ZNF385D: variants seen among roughly 807,000 people sequenced by gnomAD.
ZNF385D encodes zinc finger protein 659.
ZNF385D carries 15 observed loss-of-function variants against 35.8 expected under a neutral mutation model. The observed-to-expected ratio is 0.42, with a 90% confidence interval of 0.28 to 0.64. ZNF385D has a LOEUF of 0.64. Ranked by LOEUF, ZNF385D falls within the 30% of genes least tolerant of loss-of-function variation. The pLI, the probability that ZNF385D is intolerant of heterozygous loss-of-function variation, is 0.23. For synonymous variants in ZNF385D, 212 were observed against 186.8 expected (o/e 1.13, Z -1.10); for missense variants, 474 against 494.6 (o/e 0.96, Z 0.39).
At chr3:21,964,671 T>C (rs1702803549) in intron 3 of ZNF385D, among the ~76,000 whole-genome samples, 2 of 151,626 alleles carry the variant, frequency 1.3e-5, no homozygotes, top group South Asian at 4.2e-4. Flanking sequence ...TTTGTATTTT[T>C]AGTAGAGATG....
chr3:22,109,267 CT>C (rs1702386290), intron 3 of ZNF385D, among the ~76,000 whole-genome samples: 1 of 152,086 alleles, frequency 6.6e-6, no homozygotes, highest in Admixed American at 6.6e-5. Context: ...CACTTATCAA[CT>C]CAATAATAAT....
intron 3 of ZNF385D, among the ~76,000 whole-genome samples, chr3:21,969,152 T>G (rs1360820074): frequency 1.3e-5 from 2 of 152,118 alleles, no homozygotes; most frequent in African/African-American, 4.8e-5. Context: ...GAGGAAAGAA[T>G]GGTAAGAACT....
intron 3 of ZNF385D, among the ~76,000 whole-genome samples, chr3:21,547,470 C>A (rs187925997): frequency 6.6e-6 from 1 of 151,960 alleles, no homozygotes; most frequent in Non-Finnish European, 1.5e-5. Flanking sequence ...GAGCGTCTGA[C>A]GATAGCCCCT....
chr3:22,050,363 A>AAAC (rs1559334228), intron 3 of ZNF385D, among the ~76,000 whole-genome samples: 5 of 151,960 alleles, frequency 3.3e-5, no homozygotes, highest in South Asian at 2.1e-4. Context: ...CTCTGTCAAA[A>AAAC]AAACAAACAA....
intron 3 of ZNF385D, among the ~76,000 whole-genome samples, chr3:22,031,983 C>T (rs1449417284): frequency 6.6e-6 from 1 of 152,166 alleles, no homozygotes; most frequent in Non-Finnish European, 1.5e-5. Context: ...TTCAAAGTTC[C>T]ACAGATCTCT....
At chr3:21,798,114 T>G (rs2072235742) in intron 3 of ZNF385D, among the ~76,000 whole-genome samples, 1 of 152,214 alleles carries the variant, frequency 6.6e-6, no homozygotes, top group African/African-American at 2.4e-5. Context: ...TGGGGAAGAC[T>G]ATGCGTTAGT....
At position 21,963,211 on chromosome 3, in the gene ZNF385D, G is replaced by A. The variant is rs1229090929; in HGVS notation, c.325+205606C>T. On this transcript the variant is annotated intron_variant, in intron 3 of 5. Coordinates refer to the ZNF385D transcript ENST00000494108. ...TTCCACTTATAACTCTGTGGCAGCA[G>A]TCATGTGGGAGAAGTTTATCACCTG... Among the ~76,000 whole-genome samples the A allele has an allele frequency of 2.0e-5, 3 of 152,168 alleles. No individual in the cohort carries two copies. In the East Asian group the frequency reaches 5.8e-4, roughly 29 times the overall value.
intron 3 of ZNF385D, among the ~76,000 whole-genome samples, chr3:21,999,791 T>C (rs796495542): frequency 4.0e-4 from 59 of 148,816 alleles, no homozygotes; most frequent in African/African-American, 1.4e-3. Flanking sequence ...AAAATAATAA[T>C]AATGAAAAAC....
intron 2 of ZNF385D, among the ~76,000 whole-genome samples, chr3:21,605,691 T>C (rs911993452): frequency 2.6e-5 from 4 of 152,190 alleles, no homozygotes; most frequent in South Asian, 2.1e-4. Context: ...GAGATGACAA[T>C]AGCAACCAAC....
intron 3 of ZNF385D, among the ~76,000 whole-genome samples, chr3:22,162,551 T>A (rs996690977): frequency 3.3e-5 from 5 of 152,150 alleles, no homozygotes; most frequent in African/African-American, 1.2e-4. Flanking sequence ...TTGAGAGATT[T>A]TTTATAGGCA....
At chr3:22,327,788 T>C (rs1694747463) in intron 2 of ZNF385D, among the ~76,000 whole-genome samples, 1 of 152,202 alleles carries the variant, frequency 6.6e-6, no homozygotes, top group African/African-American at 2.4e-5. Flanking sequence ...ATAGATGTGA[T>C]TTATCGACTT....
chr3:21,570,815 A>C (rs2125674537), intron 2 of ZNF385D, among the ~76,000 whole-genome samples: 1 of 152,300 alleles, frequency 6.6e-6, no homozygotes, highest in Admixed American at 6.5e-5. Flanking sequence ...CATCATATTC[A>C]ACTATGAACA....
chr3:21,584,222 G>A (rs201588261), intron 2 of ZNF385D, among the ~76,000 whole-genome samples: 5 of 151,898 alleles, frequency 3.3e-5, no homozygotes, highest in Non-Finnish European at 5.9e-5. Context: ...CAAGTGATCC[G>A]CCCACCTTGG....
At chr3:22,057,826 A>G (rs1699485751) in intron 3 of ZNF385D, among the ~76,000 whole-genome samples, 1 of 152,094 alleles carries the variant, frequency 6.6e-6, no homozygotes, top group South Asian at 2.1e-4. Flanking sequence ...ACGTTTTTAA[A>G]ACCCAATTTA....
At chr3:21,483,603 T>G (rs1704805238) in intron 4 of ZNF385D, among the ~76,000 whole-genome samples, 1 of 152,190 alleles carries the variant, frequency 6.6e-6, no homozygotes, top group South Asian at 2.1e-4. Flanking sequence ...GTTATTTATT[T>G]TACACATTCT....
intron 2 of ZNF385D, among the ~76,000 whole-genome samples, chr3:22,285,869 C>G (rs1701996930): frequency 6.6e-6 from 1 of 152,078 alleles, no homozygotes; most frequent in African/African-American, 2.4e-5. Flanking sequence ...ACCATTTAAT[C>G]CTTAAAAAGT....
intron 3 of ZNF385D, among the ~76,000 whole-genome samples, chr3:22,166,610 T>G (rs1036947319): frequency 1.3e-5 from 2 of 152,210 alleles, no homozygotes; most frequent in African/African-American, 4.8e-5. Flanking sequence ...AATAATAAAA[T>G]GTATATAAAG....
intron 3 of ZNF385D, among the ~76,000 whole-genome samples, chr3:22,007,831 TATATA>T (rs2125428903): frequency 6.6e-6 from 1 of 150,940 alleles, no homozygotes; most frequent in East Asian, 1.9e-4. Flanking sequence ...TTTTAATTTT[TATATA>T]ATTTATATAG....
In ZNF385D at chr3:21,835,180, T is replaced by A. The variant is rs552770545; in HGVS notation, c.326-170152A>T. Among the ~76,000 whole-genome samples the A allele has an allele frequency of 3.4e-4, 51 of 151,434 alleles. 1 individual carries two copies. The highest frequency in any genetic ancestry group is 1.1e-3 in the African/African-American group (47 of 41,294). The stretch of plus-strand genomic sequence containing the variant: ...AGGTACTATCATATGTGAGAATCAA[T>A]CAAAAACCAAGAGATGCTCAACAGC... On this transcript the variant is annotated intron_variant, in intron 3 of 5. Coordinates refer to the ZNF385D transcript ENST00000494108.
Sources: gnomAD v4.1 joint callset for allele counts (sites outside exome capture counted in the v4.1 genomes callset) on GRCh38, gnomAD v4.1.1 for gene constraint, MANE v1.5 for transcripts, NCBI Gene and HGNC (gene_info 2026-07-23, HGNC 2026-07-21) for gene names.